The following CMPK2 variants were observed in gnomAD, a reference collection of about 807,000 sequenced individuals.
CMPK2 encodes cytidine/uridine monophosphate kinase 2.
A neutral mutation model predicts 33.4 loss-of-function variants in CMPK2; 32 were observed. That is an observed-to-expected ratio of 0.96 (90% CI 0.72 to 1.29). CMPK2 has a LOEUF of 1.29. Among genes scored for constraint, CMPK2 ranks in the 50% most tolerant of loss-of-function variants. The probability of loss-of-function intolerance (pLI) is 0.00; values close to 1 mark genes in which losing one functional copy is unlikely to be tolerated. For missense variants in CMPK2, 672 were observed against 616.0 expected (o/e 1.09, Z -0.96); for synonymous variants, 299 against 275.3 (o/e 1.09, Z -0.85).
chr2:6,866,049 G>C (rs1210287816), upstream of CMPK2: 2 of 321,038 alleles, frequency 6.2e-6, no homozygotes, highest in Non-Finnish European at 1.1e-5. Context: ...CCCCAAGGTA[G>C]CTCCGTGTGC....
upstream of CMPK2, chr2:6,866,297 G>A (rs1012608509): frequency 7.9e-6 from 3 of 378,194 alleles, no homozygotes; most frequent in African/African-American, 6.6e-5. Flanking sequence ...ACGCGTCCCC[G>A]CCCCTCTAAT....
chr2:6,846,865 C>T (rs1021042829), downstream of CMPK2, among the ~76,000 whole-genome samples: 1 of 152,232 alleles, frequency 6.6e-6, no homozygotes, highest in Non-Finnish European at 1.5e-5. Context: ...GAATTCCCTT[C>T]TTCCCAGCCA....
chr2:6,848,610 T>C lies in CMPK2; in HGVS notation c.*1240A>G, dbSNP rs1662420782. Reference sequence around the variant, plus strand: ...AACTTTATTAGAATTTAAGATTCTATATGCAGACCTGATAAAGCCTTAAAT... The same window carrying C: ...AACTTTATTAGAATTTAAGATTCTACATGCAGACCTGATAAAGCCTTAAAT... On this transcript the variant is annotated 3_prime_UTR_variant, in exon 5 of 5. Coordinates refer to ENST00000256722, the MANE Select transcript of CMPK2 (RefSeq NM_207315.4). 3.1e-6 allele frequency: 3 copies of C among 962,218 alleles called. No individual in the cohort carries two copies. The highest frequency in any genetic ancestry group is 9.6e-5 in the South Asian group (2 of 20,796). 59.6% of individuals were successfully genotyped at this position (962,218 alleles called of 1,614,324 possible).
chr2:6,866,142 G>A, upstream of CMPK2: 1 of 213,482 alleles, frequency 4.7e-6, no homozygotes, highest in South Asian at 5.1e-5. Flanking sequence ...GGGGGCGGGG[G>A]TGCACGCGCG....
intron 3 of CMPK2, among the ~76,000 whole-genome samples, chr2:6,852,438 C>A (rs7557683): frequency 6.6e-6 from 1 of 152,270 alleles, no homozygotes; most frequent in Non-Finnish European, 1.5e-5. Flanking sequence ...TCCTAGTCTG[C>A]ACCTGCTTAC....
chr2:6,850,785 G>C, intron 4 of CMPK2: 1 of 985,608 alleles, frequency 1.0e-6, no homozygotes. Context: ...TGTTCAGTTA[G>C]AGAAAATATT....
intron 3 of CMPK2, among the ~76,000 whole-genome samples, chr2:6,859,717 C>T (rs1039667105): frequency 6.6e-6 from 1 of 152,224 alleles, no homozygotes; most frequent in African/African-American, 2.4e-5. Flanking sequence ...AAGTTTGCTA[C>T]AGGAGTGGGG....
At chr2:6,850,402 T>G (rs1212174978) in intron 4 of CMPK2, among the ~76,000 whole-genome samples, 1 of 152,360 alleles carries the variant, frequency 6.6e-6, no homozygotes, top group African/African-American at 2.4e-5. Flanking sequence ...CATGGGACTC[T>G]TCTAATATTT....
chr2:6,849,763 A>G lies in CMPK2; in HGVS notation c.*87T>C. The G allele has an allele frequency of 6.3e-7, 1 of 1,576,864 alleles. No homozygotes were observed. Among genetic ancestry groups the G allele is most frequent in the Non-Finnish European group, 8.6e-7 (1 of 1,166,942 alleles). On this transcript the variant is annotated 3_prime_UTR_variant, in exon 5 of 5. Coordinates refer to ENST00000256722, the MANE Select transcript of CMPK2 (RefSeq NM_207315.4). ...CCACACAACATGCTTGTAGAACAGA[A>G]ATTTGGGAACACTGCATAACAAATG...
At position 6,865,758 on chromosome 2, in the gene CMPK2, C is replaced by G. The variant is rs973637890; in HGVS notation, c.-62G>C. 22 of 1,272,128 alleles carry G rather than the reference C, an allele frequency of 1.7e-5. No homozygotes were observed. In the African/African-American group the frequency reaches 3.4e-4, roughly 20 times the overall value. 78.8% of individuals were successfully genotyped at this position (1,272,128 alleles called of 1,614,324 possible). On this transcript the variant is annotated 5_prime_UTR_variant, in exon 1 of 5. Coordinates refer to ENST00000256722, the MANE Select transcript of CMPK2 (RefSeq NM_207315.4). ...GAAACGAAACCTGGCGGGAGCCAGG[C>G]GCCGGCGGGAAACGAAACCCGGAGG...
chr2:6,847,333 C>T (rs549786622), downstream of CMPK2, among the ~76,000 whole-genome samples: 20 of 152,318 alleles, frequency 1.3e-4, no homozygotes, highest in Non-Finnish European at 2.2e-4. Context: ...TGTGCCCACG[C>T]CCACAAAAGG....
chr2:6,863,718 G>A (rs1662954779), intron 1 of CMPK2, 140 bp from the exon 2 acceptor site: 1 of 608,614 alleles, frequency 1.6e-6, no homozygotes, highest in Admixed American at 3.1e-5. Flanking sequence ...TGGGAATTCA[G>A]AGTATTTCGA....
At chr2:6,840,613 G>C (rs1422003871) in exon 4 of CMPK2, 1 of 702,208 alleles carries the variant, frequency 1.4e-6, no homozygotes, top group African/African-American at 1.7e-5. Flanking sequence ...CAAGATTCCA[G>C]TCCCACAAAC....
Position 6,863,558 on chromosome 2 carries a change from T to A in CMPK2, c.696A>T (p.Glu232Asp). The A allele has an allele frequency of 6.2e-7, 1 of 1,614,026 alleles. No individual in the cohort carries two copies. The highest frequency in any genetic ancestry group is 1.1e-5 in the South Asian group (1 of 91,070). ...CGACCAGGTCAAGCACTGCCCGGGC[T>A]TCAGGAATAAAGGAGGTACACTGTA... ...VLEECTSFIP[E>D]ARAVLDLVDQ... The change falls in exon 2 of 5, where the codon GAA (glutamate) becomes GAT (aspartate). Residue 232 changes from glutamate (E) to aspartate (D), a missense_variant. By Grantham distance (45) the Glu-to-Asp change is conservative (BLOSUM62 2). Coordinates refer to ENST00000256722, the MANE Select transcript of CMPK2 (RefSeq NM_207315.4).
chr2:6,851,209 C>T, intron 4 of CMPK2: 1 of 1,315,398 alleles, frequency 7.6e-7, no homozygotes, highest in Non-Finnish European at 9.8e-7. Context: ...GCTCCTAGCA[C>T]AGCCAGGATC....
Position 6,840,874 on chromosome 2 carries a change from G to A in CMPK2, c.993-196C>T, listed in dbSNP as rs191397091. Among the ~76,000 whole-genome samples the A allele has an allele frequency of 4.9e-4, 74 of 152,188 alleles. 1 individual carries two copies. The highest frequency in any genetic ancestry group is 9.1e-4 in the African/African-American group (38 of 41,536). The stretch of plus-strand genomic sequence containing the variant: ...ATAAAATCATTGGTAAGGAAAGGCC[G>A]TCCATATACCATTTCAAAAGGGTGA... On this transcript the variant is annotated intron_variant, in intron 3 of 3. Coordinates refer to the CMPK2 transcript ENST00000458098.
rs149597523 is a variant in CMPK2 at position 6,861,158 on chromosome 2, C to G, written c.992+26G>C. Reference sequence around the variant, plus strand: ...CACTTATATATTAGGGAGAAAATGCCTAATTCAAGGCATCTTTATACCTAC... The same window carrying G: ...CACTTATATATTAGGGAGAAAATGCGTAATTCAAGGCATCTTTATACCTAC... On this transcript the variant is annotated intron_variant, in intron 3 of 4. Transcript: ENST00000256722. 2.6e-3 allele frequency: 4,066 copies of G among 1,580,932 alleles called. 10 individuals carry two copies. Among genetic ancestry groups the G allele is most frequent in the Middle Eastern group, 3.5e-3 (21 of 6,012 alleles).
At position 6,865,634 on chromosome 2, in the gene CMPK2, C is replaced by A. The variant is rs1047129028; in HGVS notation, c.63G>T (p.Gly21=). The A allele has an allele frequency of 3.9e-5, 53 of 1,355,648 alleles. No individual in the cohort carries two copies. Among genetic ancestry groups the A allele is most frequent in the Non-Finnish European group, 5.0e-5 (53 of 1,057,840 alleles). 84.0% of individuals were successfully genotyped at this position (1,355,648 alleles called of 1,614,324 possible). Residue 21 remains glycine (G), a synonymous_variant, in exon 1 of 5, where the codon GGG becomes GGT. Coordinates refer to ENST00000256722, the MANE Select transcript of CMPK2 (RefSeq NM_207315.4). ...GCGGAGCCATGGCCCCAGCGCAGAC[C>A]CCGCGCCGCCCGAGCAGCGGCCCCG... The part of the protein sequence containing the change: ...PLSGPLLGRR[G]VCAGAMAPPR...
rs942970954 is a variant in CMPK2, at chr2:6,848,642, A to G, written c.*1208T>C. 75 of 971,698 alleles carry G rather than the reference A, an allele frequency of 7.7e-5. No individual in the cohort carries two copies. Among genetic ancestry groups the G allele is most frequent in the Non-Finnish European group, 8.8e-5 (72 of 817,190 alleles). The allele number at this position is 971,698 out of a possible 1,614,324, so 60.2% of individuals were successfully genotyped here. A position where few individuals can be genotyped will look rare whatever the true frequency, so the allele number is the denominator to read the frequency against. On this transcript the variant is annotated 3_prime_UTR_variant, in exon 5 of 5. Coordinates refer to ENST00000256722, the MANE Select transcript of CMPK2 (RefSeq NM_207315.4). Reference sequence around the variant, plus strand: ...ACCTGATAAAGCCTTAAATTTAATTATTTTGGAGTAATGTCTTCTTAAGAA... The same window carrying G: ...ACCTGATAAAGCCTTAAATTTAATTGTTTTGGAGTAATGTCTTCTTAAGAA...
Sources: allele counts gnomAD v4.1 joint callset (sites outside exome capture counted in the v4.1 genomes callset), GRCh38; gene constraint gnomAD v4.1.1; transcripts MANE v1.5; gene names NCBI Gene and HGNC (gene_info 2026-07-23, HGNC 2026-07-21).